Variants in KCNMB4 observed in about 807,000 individuals in gnomAD.
KCNMB4 encodes the protein calcium-activated potassium channel subunit beta-4.
A neutral mutation model predicts 20.7 loss-of-function variants in KCNMB4; 3 were observed. That is an observed-to-expected ratio of 0.14 (90% CI 0.07 to 0.37). KCNMB4 has a LOEUF of 0.37. Among genes scored for constraint, KCNMB4 ranks in the 10% least tolerant of loss-of-function variants. The probability of loss-of-function intolerance (pLI) is 1.00; values close to 1 mark genes in which losing one functional copy is unlikely to be tolerated. For missense variants in KCNMB4, 168 were observed against 265.9 expected, an observed-to-expected ratio of 0.63 and a Z score of 2.56; for synonymous variants, 110 against 113.4, an observed-to-expected ratio of 0.97 and a Z score of 0.19.
chr12:70,416,475 C>T (rs1402319669), intron 2 of KCNMB4, among the ~76,000 whole-genome samples: 2 of 152,124 alleles, frequency 1.3e-5, no homozygotes, highest in African/African-American at 4.8e-5. Context: ...GCTGGCACAT[C>T]TAAGAGAAAC....
chr12:70,378,877 T>A (rs970250417), intron 1 of KCNMB4, among the ~76,000 whole-genome samples: 1 of 152,170 alleles, frequency 6.6e-6, no homozygotes, highest in African/African-American at 2.4e-5. Context: ...AAAGTCGAAC[T>A]TACTCCCTGA....
At chr12:70,421,569 A>G (rs757084977) in intron 2 of KCNMB4, among the ~76,000 whole-genome samples, 1 of 145,742 alleles carries the variant, frequency 6.9e-6, no homozygotes, top group Non-Finnish European at 1.5e-5. Flanking sequence ...GGAAACTCCA[A>G]GGGTTTTTAT....
At chr12:70,423,899 G>T (rs1869137442) in intron 2 of KCNMB4, among the ~76,000 whole-genome samples, 2 of 152,188 alleles carry the variant, frequency 1.3e-5, no homozygotes, top group Admixed American at 1.3e-4. Context: ...TACATTTCAG[G>T]TTTAGTGGCT....
chr12:70,422,875 A>T, intron 2 of KCNMB4: 1 of 1,164,234 alleles, frequency 8.6e-7, no homozygotes, highest in Non-Finnish European at 1.1e-6. Context: ...TAAAAAGTCT[A>T]TTACTCTGGG....
chr12:70,385,297 A>T (rs1313364480), intron 1 of KCNMB4, among the ~76,000 whole-genome samples: 4 of 152,192 alleles, frequency 2.6e-5, no homozygotes, highest in Non-Finnish European at 5.9e-5. Context: ...CAGTCTCTGG[A>T]GGACATCACA....
In KCNMB4 at chr12:70,385,428, C is replaced by T. The variant is rs77494357; in HGVS notation, c.337-14781C>T. Among the ~76,000 whole-genome samples, 1,148 of 152,264 alleles carry T rather than the reference C, an allele frequency of 7.5e-3. 13 individuals are homozygous for T. The highest frequency in any genetic ancestry group is 0.012 in the Non-Finnish European group (849 of 68,016). On this transcript the variant is annotated intron_variant, in intron 1 of 2. Transcript: ENST00000258111. ...CCTGTGATGTACTGAATATTTTCTTCGGTTAATGTCAAACACCTTTCCCTT... is the reference window on the plus strand; with the variant it reads ...CCTGTGATGTACTGAATATTTTCTTTGGTTAATGTCAAACACCTTTCCCTT...
chr12:70,403,957 G>A (rs1868526223), intron 2 of KCNMB4, among the ~76,000 whole-genome samples: 1 of 152,164 alleles, frequency 6.6e-6, no homozygotes, highest in South Asian at 2.1e-4. Context: ...TTAAAAGGAG[G>A]GTTCTTTGCT....
At chr12:70,409,914 A>G (rs754926958) in intron 2 of KCNMB4, among the ~76,000 whole-genome samples, 1 of 152,358 alleles carries the variant, frequency 6.6e-6, no homozygotes, top group African/African-American at 2.4e-5. Flanking sequence ...TTCTCTTAAA[A>G]TGTAGTGAGC....
chr12:70,382,255 A>AAC (rs1356571851), intron 1 of KCNMB4, among the ~76,000 whole-genome samples: 2 of 151,578 alleles, frequency 1.3e-5, no homozygotes, highest in Non-Finnish European at 2.9e-5. Flanking sequence ...ACCACGGTGA[A>AAC]ACCCTGTCTC....
chr12:70,412,510 A>G (rs1182524648), intron 2 of KCNMB4, among the ~76,000 whole-genome samples: 4 of 152,226 alleles, frequency 2.6e-5, no homozygotes, highest in Admixed American at 6.5e-5. Flanking sequence ...GGTCAGTTGT[A>G]GTTTATTTTC....
chr12:70,421,470 GAAAA>G (rs61303899), intron 2 of KCNMB4, among the ~76,000 whole-genome samples: 1 of 75,670 alleles, frequency 1.3e-5, no homozygotes, highest in Non-Finnish European at 2.4e-5. Context: ...TCTCAAAAAA[GAAAA>G]AAAAAAAAAA....
chr12:70,393,293 C>T (rs375935038), intron 1 of KCNMB4, among the ~76,000 whole-genome samples: 1 of 152,070 alleles, frequency 6.6e-6, no homozygotes, highest in South Asian at 2.1e-4. Context: ...ACCTCTGCCT[C>T]CCGGGTTCAA....
chr12:70,400,846 C>T (rs1868430784), intron 2 of KCNMB4, among the ~76,000 whole-genome samples: 1 of 152,180 alleles, frequency 6.6e-6, no homozygotes, highest in Non-Finnish European at 1.5e-5. Flanking sequence ...TGAGTATTCA[C>T]AATTCCTTGC....
chr12:70,396,116 A>C (rs1320929340), intron 1 of KCNMB4, among the ~76,000 whole-genome samples: 2 of 152,184 alleles, frequency 1.3e-5, no homozygotes, highest in African/African-American at 4.8e-5. Flanking sequence ...CATCAATTCC[A>C]TTCCAATAAA....
At chr12:70,406,765 C>T (rs138295678) in intron 2 of KCNMB4, among the ~76,000 whole-genome samples, 1 of 152,188 alleles carries the variant, frequency 6.6e-6, no homozygotes, top group South Asian at 2.1e-4. Context: ...CTGCCTCCCC[C>T]TGACAGGGTT....
In KCNMB4 at chr12:70,432,029, T is replaced by G. The variant is rs978552312; in HGVS notation, c.*1376T>G. The G allele has an allele frequency of 7.2e-6, 1 of 138,380 alleles. No individual in the cohort carries two copies. The highest frequency in any genetic ancestry group is 2.7e-5 in the African/African-American group (1 of 37,030). 8.6% of individuals were successfully genotyped at this position (138,380 alleles called of 1,614,324 possible). A position where few individuals can be genotyped will look rare whatever the true frequency, so the allele number is the denominator to read the frequency against. ...GTCCACATACCAATGTTTTCTTTTT[T>G]CTTTTTTTTTTTTTTTTTTGAGATG... On this transcript the variant is annotated 3_prime_UTR_variant, in exon 3 of 3. Transcript: ENST00000258111.
At chr12:70,392,919 C>CA (rs1225062178) in intron 1 of KCNMB4, among the ~76,000 whole-genome samples, 2 of 152,068 alleles carry the variant, frequency 1.3e-5, no homozygotes, top group African/African-American at 2.4e-5. Context: ...CACCATGGCA[C>CA]ATGTATGTCT....
At chr12:70,396,725 G>A (rs1868355010) in intron 1 of KCNMB4, among the ~76,000 whole-genome samples, 3 of 152,222 alleles carry the variant, frequency 2.0e-5, no homozygotes, top group Admixed American at 2.0e-4. Context: ...AATGCTGGTT[G>A]TGATGATGAC....
chr12:70,403,180 CTTTTATTTTA>C (rs3049185), intron 2 of KCNMB4, among the ~76,000 whole-genome samples: 80,418 of 149,474 alleles, frequency 0.54, 22,186 homozygotes, highest in East Asian at 0.76. Flanking sequence ...TAGTCATCGT[CTTTTATTTTA>C]TTTTATTTTA....
Sources: allele counts gnomAD v4.1 joint callset (sites outside exome capture counted in the v4.1 genomes callset), GRCh38; gene constraint gnomAD v4.1.1; transcripts MANE v1.5; gene names NCBI Gene and HGNC (gene_info 2026-07-23, HGNC 2026-07-21).